Variants in CSNK1D observed in about 807,000 individuals in gnomAD.
The protein encoded by CSNK1D is casein kinase I isoform delta.
In CSNK1D, 16 loss-of-function variants were observed where a neutral mutation model predicts 46.6. The ratio of observed to expected loss-of-function variants is 0.34; its 90% CI spans 0.23 to 0.52. The LOEUF (loss-of-function observed/expected upper bound fraction) is 0.52, where lower values mean the gene tolerates loss of function less well. CSNK1D is among the 20% of genes least tolerant of loss of function. CSNK1D has a pLI of 0.95. For missense variants in CSNK1D, 398 were observed against 578.4 expected, an observed-to-expected ratio of 0.69 and a Z score of 3.20; for synonymous variants, 276 against 228.2, an observed-to-expected ratio of 1.21 and a Z score of -1.89.
intron 8 of CSNK1D, chr17:82,247,553 G>C (rs924225596): frequency 1.0e-6 from 1 of 985,376 alleles, no homozygotes; most frequent in East Asian, 1.1e-4. Context: ...CTGGGCTCCT[G>C]TACCATGGTT....
downstream of CSNK1D, among the ~76,000 whole-genome samples, chr17:82,242,220 G>A (rs1019283830): frequency 4.6e-5 from 7 of 151,614 alleles, no homozygotes; most frequent in Non-Finnish European, 1.0e-4. Context: ...TCTGGGGGGG[G>A]GGGGAAGAGG....
In CSNK1D at chr17:82,249,090, T is replaced by C. The variant is rs1245509772; in HGVS notation, c.1058-76A>G. 1.1e-5 allele frequency: 16 copies of C among 1,511,412 alleles called. No homozygotes were observed. Among genetic ancestry groups the C allele is most frequent in the Non-Finnish European group, 1.4e-5 (16 of 1,122,788 alleles). 93.6% of individuals were successfully genotyped at this position (1,511,412 alleles called of 1,614,324 possible). ...ACTCGGGGCTTTCTATGAGAGGCTGTGGCCAGAGAGGACCCTGGGCTGCCT... is the reference window on the plus strand; with the variant it reads ...ACTCGGGGCTTTCTATGAGAGGCTGCGGCCAGAGAGGACCCTGGGCTGCCT... On this transcript the variant is annotated intron_variant, in intron 7 of 8. Transcript: ENST00000314028. The surrounding 1 kb of genome is among the most constrained non-coding windows in gnomAD (Gnocchi z 6.7).
chr17:82,251,028 A>C lies in CSNK1D; in HGVS notation c.885+351T>G, dbSNP rs563749485. 7.6e-4 allele frequency: 273 copies of C among 359,202 alleles called. 4 individuals carry two copies. The highest frequency in any genetic ancestry group is 6.1e-3 in the South Asian group (270 of 43,972). 22.3% of individuals were successfully genotyped at this position (359,202 alleles called of 1,614,324 possible). A position where few individuals can be genotyped will look rare whatever the true frequency, so the allele number is the denominator to read the frequency against. On this transcript the variant is annotated intron_variant, in intron 6 of 8. Transcript: ENST00000314028. This position sits in a 1 kb window ranked among gnomAD's most constrained non-coding sequence, Gnocchi z 4.5. ...CACTCATCTCGTGGGCACCACGACCATGTGGCACAGCGAATGGGAATGCGC... is the reference window on the plus strand; with the variant it reads ...CACTCATCTCGTGGGCACCACGACCCTGTGGCACAGCGAATGGGAATGCGC...
At position 82,249,445 on chromosome 17, in the gene CSNK1D, G is replaced by C. The variant is rs2050939564; in HGVS notation, c.1043C>G (p.Pro348Arg). Residue 348 changes from proline (P) to arginine (R), a missense_variant, in exon 7 of 9, where the codon CCT (proline) becomes CGT (arginine). Transcript: ENST00000314028. This position sits in a 1 kb window ranked among gnomAD's most constrained non-coding sequence, Gnocchi z 6.7. ...GGGGCACTCACCCGTGTGTGAGGTA[G>C]GGGTGAGGGGTGTGGGGGGAGCCAC... The part of the protein sequence containing the change: ...QEVAPPTPLT[P>R]TSHTANTSPR... 6.5e-7 allele frequency: 1 copy of C among 1,538,102 alleles called. No individual in the cohort carries two copies. Among genetic ancestry groups the C allele is most frequent in the Non-Finnish European group, 8.7e-7 (1 of 1,146,088 alleles).
rs976259610 is a variant in CSNK1D, at chr17:82,249,382, A to G, written c.1057+49T>C. 3.7e-5 allele frequency: 57 copies of G among 1,523,388 alleles called. No homozygotes were observed. The highest frequency in any genetic ancestry group is 4.9e-5 in the Non-Finnish European group (56 of 1,135,598). The allele number at this position is 1,523,388 out of a possible 1,614,324, so 94.4% of individuals were successfully genotyped here. On this transcript the variant is annotated intron_variant, in intron 7 of 8. Transcript: ENST00000314028. This position sits in a 1 kb window ranked among gnomAD's most constrained non-coding sequence, Gnocchi z 6.7. Reference sequence around the variant, plus strand: ...TTGTCCCCACCAACCCCAAGACACAAGAAGTCACCCCAGAGCCAGCCCCAG... The same window carrying G: ...TTGTCCCCACCAACCCCAAGACACAGGAAGTCACCCCAGAGCCAGCCCCAG...
rs748760767 is a variant in CSNK1D at position 82,252,914 on chromosome 17, G to A, written c.565+102C>T. 10 of 1,100,518 alleles carry A rather than the reference G, an allele frequency of 9.1e-6. No individual in the cohort carries two copies. Among genetic ancestry groups the A allele is most frequent in the African/African-American group, 1.5e-5 (1 of 64,656 alleles). The allele number at this position is 1,100,518 out of a possible 1,614,324, so 68.2% of individuals were successfully genotyped here. On this transcript the variant is annotated intron_variant, in intron 4 of 8. Coordinates refer to ENST00000314028, the MANE Select transcript of CSNK1D (RefSeq NM_001893.6). The surrounding 1 kb of genome is among the most constrained non-coding windows in gnomAD (Gnocchi z 4.6). Reference sequence around the variant, plus strand: ...GTCTGCCGCAAAGGTCTGATGACACGCTTGCAGCCCCAGCTCCCCGAGAGG... The same window carrying A: ...GTCTGCCGCAAAGGTCTGATGACACACTTGCAGCCCCAGCTCCCCGAGAGG...
chr17:82,242,458 G>A (rs377584349), downstream of CSNK1D, among the ~76,000 whole-genome samples: 52 of 152,174 alleles, frequency 3.4e-4, no homozygotes, highest in African/African-American at 1.2e-3. Context: ...CAGAGCCCAA[G>A]GGGGCAGCAC....
At position 82,273,154 on chromosome 17, in the gene CSNK1D, T is replaced by A; in HGVS notation, c.76+152A>T. 1.1e-5 allele frequency: 6 copies of A among 526,922 alleles called. No individual in the cohort carries two copies. The highest frequency in any genetic ancestry group is 1.8e-5 in the Non-Finnish European group (6 of 324,368). The allele number at this position is 526,922 out of a possible 1,614,324, so 32.6% of individuals were successfully genotyped here. ...CTCCCCACCCCTGGCCGCGCTAGCC[T>A]AGTGGCCGTTGGGTTCTGGCCACGA... On this transcript the variant is annotated intron_variant, in intron 1 of 8. Transcript: ENST00000314028. The surrounding 1 kb of genome is among the most constrained non-coding windows in gnomAD (Gnocchi z 5.1).
chr17:82,273,196 C>T lies in CSNK1D; in HGVS notation c.76+110G>A. 3 of 1,156,826 alleles carry T rather than the reference C, an allele frequency of 2.6e-6. No homozygotes were observed. Among genetic ancestry groups the T allele is most frequent in the Middle Eastern group, 2.8e-4 (1 of 3,592 alleles). 71.7% of individuals were successfully genotyped at this position (1,156,826 alleles called of 1,614,324 possible). A position where few individuals can be genotyped will look rare whatever the true frequency, so the allele number is the denominator to read the frequency against. ...TGGCCACGATCCGGCGGTGCCGGGA[C>T]TTGCGCGGAGACCCCGCGGGGGCCA... On this transcript the variant is annotated intron_variant, in intron 1 of 8. Transcript: ENST00000314028. This position sits in a 1 kb window ranked among gnomAD's most constrained non-coding sequence, Gnocchi z 5.1.
rs747234246 is a variant in CSNK1D at position 82,273,389 on chromosome 17, G to A, written c.-8C>T. On this transcript the variant is annotated 5_prime_UTR_variant, in exon 1 of 9. Coordinates refer to ENST00000314028, the MANE Select transcript of CSNK1D (RefSeq NM_001893.6). This position sits in a 1 kb window ranked among gnomAD's most constrained non-coding sequence, Gnocchi z 5.1. Reference sequence around the variant, plus strand: ...CCCGACTCTCAGCTCCATGGCGGCGGCGGCCCGATTCGCTCCTGCCCTCCC... The same window carrying A: ...CCCGACTCTCAGCTCCATGGCGGCGACGGCCCGATTCGCTCCTGCCCTCCC... 1.7e-5 allele frequency: 27 copies of A among 1,610,720 alleles called. No homozygotes were observed. The South Asian group carries it at 2.3e-4, about 14-fold the overall frequency.
At chr17:82,265,286 C>A in intron 2 of CSNK1D, 1 of 320,750 alleles carries the variant, frequency 3.1e-6, no homozygotes, top group South Asian at 2.7e-5. Context: ...TCAGGCGATT[C>A]TCCTGCCTCA....
In CSNK1D at chr17:82,273,468, C is replaced by T. The variant is rs2051694701; in HGVS notation, c.-87G>A. On this transcript the variant is annotated 5_prime_UTR_variant, in exon 1 of 9. Transcript: ENST00000314028. This position sits in a 1 kb window ranked among gnomAD's most constrained non-coding sequence, Gnocchi z 5.1. The stretch of plus-strand genomic sequence containing the variant: ...GGCGGCGCCGCTGCTGCCGCTACTG[C>T]GGGTCCGGCTCCCGGCTCCGCCCCC... The T allele has an allele frequency of 1.3e-6, 2 of 1,526,420 alleles. No homozygotes were observed. Among genetic ancestry groups the T allele is most frequent in the African/African-American group, 1.4e-5 (1 of 71,984 alleles). 94.6% of individuals were successfully genotyped at this position (1,526,420 alleles called of 1,614,324 possible). A position where few individuals can be genotyped will look rare whatever the true frequency, so the allele number is the denominator to read the frequency against.
Position 82,252,329 on chromosome 17 carries a change from T to A in CSNK1D, c.736+105A>T, listed in dbSNP as rs2051034213. 7.5e-7 allele frequency: 1 copy of A among 1,334,244 alleles called. No homozygotes were observed. Among genetic ancestry groups the A allele is most frequent in the African/African-American group, 1.4e-5 (1 of 69,336 alleles). The allele number at this position is 1,334,244 out of a possible 1,614,324, so 82.7% of individuals were successfully genotyped here. The stretch of plus-strand genomic sequence containing the variant: ...TTCCTGCCACCACCCCTTTGGAAGG[T>A]GAGCAACTCTTCTGACAAAACCCAG... On this transcript the variant is annotated intron_variant, in intron 5 of 8. Coordinates refer to ENST00000314028, the MANE Select transcript of CSNK1D (RefSeq NM_001893.6). This position sits in a 1 kb window ranked among gnomAD's most constrained non-coding sequence, Gnocchi z 4.6.
downstream of CSNK1D, chr17:82,239,061 A>G: frequency 2.2e-6 from 3 of 1,351,642 alleles, no homozygotes; most frequent in Non-Finnish European, 3.0e-6. Context: ...GGACTGGCTC[A>G]GGCAGGGCCA....
At chr17:82,261,129 A>AT (rs1238294342) in intron 2 of CSNK1D, 5 of 155,014 alleles carry the variant, frequency 3.2e-5, no homozygotes. Flanking sequence ...CATCCATGGC[A>AT]TTAGAGAATG....
At chr17:82,261,853 A>G (rs1367080894) in intron 2 of CSNK1D, among the ~76,000 whole-genome samples, 4 of 152,140 alleles carry the variant, frequency 2.6e-5, no homozygotes, top group African/African-American at 7.2e-5. Context: ...CAGCCACAGA[A>G]CCGTCACCCA....
At chr17:82,240,775 C>A (rs776133343), downstream of CSNK1D, among the ~76,000 whole-genome samples, 37 of 152,162 alleles carry the variant, frequency 2.4e-4, no homozygotes, top group Non-Finnish European at 5.9e-5. Context: ...AAGGCAGCCA[C>A]GCTTGGTTGG....
In CSNK1D at chr17:82,249,243, G is replaced by A. The variant is rs1356580993; in HGVS notation, c.1057+188C>T. The A allele has an allele frequency of 3.9e-5, 30 of 762,640 alleles. No homozygotes were observed. Among genetic ancestry groups the A allele is most frequent in the East Asian group, 1.6e-4 (6 of 37,206 alleles). The allele number at this position is 762,640 out of a possible 1,614,324, so 47.2% of individuals were successfully genotyped here. A position where few individuals can be genotyped will look rare whatever the true frequency, so the allele number is the denominator to read the frequency against. ...GAACGTGAGATGCGGGAGGAATCACGCACACCAGCAGGTGCCGGCATTTCT... is the reference window on the plus strand; with the variant it reads ...GAACGTGAGATGCGGGAGGAATCACACACACCAGCAGGTGCCGGCATTTCT... On this transcript the variant is annotated intron_variant, in intron 7 of 8. Transcript: ENST00000314028. The surrounding 1 kb of genome is among the most constrained non-coding windows in gnomAD (Gnocchi z 6.7).
chr17:82,242,471 C>G (rs565624215), downstream of CSNK1D, among the ~76,000 whole-genome samples: 1 of 151,778 alleles, frequency 6.6e-6, no homozygotes, highest in East Asian at 2.0e-4. Flanking sequence ...GGCAGCACGG[C>G]GAGGAGCAGT....
Sources: allele counts gnomAD v4.1 joint callset (sites outside exome capture counted in the v4.1 genomes callset), GRCh38; gene constraint gnomAD v4.1.1; non-coding constraint Gnocchi (gnomAD v3.1); transcripts MANE v1.5; gene names NCBI Gene and HGNC (gene_info 2026-07-23, HGNC 2026-07-21).